The following FAM222B variants were observed in gnomAD, a reference collection of about 807,000 sequenced individuals.
FAM222B encodes family with sequence similarity 222 member B.
Under a neutral mutation model 38.0 loss-of-function variants are expected in FAM222B, and 12 were observed. That is an observed-to-expected ratio of 0.32 (90% confidence interval 0.20 to 0.51). FAM222B has a LOEUF of 0.51. Among genes scored for constraint, FAM222B ranks in the 20% least tolerant of loss-of-function variants. The pLI is 0.97. For missense variants in FAM222B, 716 were observed against 754.2 expected, an observed-to-expected ratio of 0.95 and a Z score of 0.59; for synonymous variants, 329 against 317.2, an observed-to-expected ratio of 1.04 and a Z score of -0.40.
chr17:28,801,340 C>A (rs2037214204), intron 1 of FAM222B, among the ~76,000 whole-genome samples: 1 of 150,854 alleles, frequency 6.6e-6, no homozygotes, highest in African/African-American at 2.4e-5. Flanking sequence ...GTAGTCCCAG[C>A]TACTCAGGAG....
Position 28,758,749 on chromosome 17 carries a change from C to G in FAM222B, c.1210G>C (p.Val404Leu), listed in dbSNP as rs1378980630. The G allele has an allele frequency of 1.3e-6, 2 of 1,575,972 alleles. No homozygotes were observed. The highest frequency in any genetic ancestry group is 1.7e-6 in the Non-Finnish European group (2 of 1,159,082). The change falls in exon 3 of 3, where the codon GTG (valine) becomes CTG (leucine). Residue 404 changes from valine (V) to leucine (L), a missense_variant. By Grantham distance (32) the Val-to-Leu change is conservative (BLOSUM62 1). Transcript: ENST00000581407. ...AGRELAGPGF[V>L]GKAPAYPQEL... The stretch of plus-strand genomic sequence containing the variant: ...TGCGGGTAGGCAGGGGCCTTGCCCA[C>G]AAAGCCAGGCCCTGCCAACTCGCGT...
chr17:28,854,273 C>CCTCT, intron 1 of FAM222B, among the ~76,000 whole-genome samples: 1 of 152,294 alleles, frequency 6.6e-6, no homozygotes. Context: ...TTAGAGGCTA[C>CCTCT]AAAGGATGAA....
At chr17:28,768,904 A>T (rs2035474888) in intron 1 of FAM222B, among the ~76,000 whole-genome samples, 1 of 151,670 alleles carries the variant, frequency 6.6e-6, no homozygotes, top group Admixed American at 6.6e-5. Context: ...TTACATAATA[A>T]CTTCTCCCTT....
Position 28,759,412 on chromosome 17 carries a change from C to T in FAM222B, c.547G>A (p.Ala183Thr), listed in dbSNP as rs767750259. The change falls in exon 3 of 3, where the codon GCA becomes ACA. Residue 183 changes from alanine to threonine, a missense_variant. Physicochemically the swap from Ala to Thr is moderately conservative, Grantham distance 58. Transcript: ENST00000581407. The surrounding 1 kb of genome is among the most constrained non-coding windows in gnomAD (Gnocchi z 4.8). ...TGGAGGCTCTGAGGGTGGGACAGTG[C>T]CTGGGGTGGCGGGATACCCTGAGGG... is the stretch of plus-strand genomic sequence containing the variant. ...QHPQGIPPPQ[A>T]LSHPQSLQQP... 11 of 1,592,870 alleles carry T rather than the reference C, an allele frequency of 6.9e-6. No homozygotes were observed. Among genetic ancestry groups the T allele is most frequent in the Non-Finnish European group, 8.5e-6 (10 of 1,171,380 alleles).
At chr17:28,820,636 C>CT (rs557770356) in intron 1 of FAM222B, among the ~76,000 whole-genome samples, 16,880 of 144,166 alleles carry the variant, frequency 0.12, 1,148 homozygotes, top group Non-Finnish European at 0.16. Context: ...AATGGTAAAA[C>CT]TTTTTTTTTT....
At chr17:28,822,630 A>T (rs967104666) in intron 1 of FAM222B, among the ~76,000 whole-genome samples, 1 of 142,714 alleles carries the variant, frequency 7.0e-6, no homozygotes, top group Non-Finnish European at 1.5e-5. Flanking sequence ...CCACCACAAA[A>T]AATAATAATA....
At chr17:28,835,107 G>A (rs1158499431) in intron 1 of FAM222B, among the ~76,000 whole-genome samples, 1 of 151,316 alleles carries the variant, frequency 6.6e-6, no homozygotes, top group Non-Finnish European at 1.5e-5. Flanking sequence ...GTGCAGTGGC[G>A]TGATCTCAGC....
At chr17:28,781,427 T>C (rs2036164442) in intron 1 of FAM222B, among the ~76,000 whole-genome samples, 1 of 152,066 alleles carries the variant, frequency 6.6e-6, no homozygotes, top group South Asian at 2.1e-4. Context: ...CTTTGTACAC[T>C]GTTGATGAGA....
intron 1 of FAM222B, among the ~76,000 whole-genome samples, chr17:28,795,431 C>A (rs1270741110): frequency 6.6e-6 from 1 of 152,152 alleles, no homozygotes; most frequent in African/African-American, 2.4e-5. Context: ...TAAGCCACCG[C>A]ACCCAGACTT....
chr17:28,813,129 AAAAAAAAAAAAACACACACATAC>A (rs1232783966), intron 1 of FAM222B, among the ~76,000 whole-genome samples: 13 of 108,342 alleles, frequency 1.2e-4, no homozygotes, highest in South Asian at 2.9e-4. Context: ...ATCAGACACA[AAAAAAAAAAAAACACACACATAC>A]AAAAAAAAAA....
intron 1 of FAM222B, among the ~76,000 whole-genome samples, chr17:28,786,083 C>T (rs1423124773): frequency 1.3e-5 from 2 of 150,810 alleles, no homozygotes; most frequent in South Asian, 2.1e-4. Context: ...CTATCCACCT[C>T]GGCCTCCCAA....
intron 1 of FAM222B, among the ~76,000 whole-genome samples, chr17:28,806,976 T>C (rs1467458392): frequency 6.6e-6 from 1 of 152,150 alleles, no homozygotes; most frequent in Admixed American, 6.6e-5. Flanking sequence ...TTTAATTCAC[T>C]GGATAAAAAC....
Position 28,838,037 on chromosome 17 carries a change from G to A in FAM222B, c.-41+4645C>T, listed in dbSNP as rs1194371699. On this transcript the variant is annotated intron_variant, in intron 1 of 2. Transcript: ENST00000581407. ...TCCCAGCACTTTGGGAGGTAGAGGC[G>A]GGTGGAACATTTGAGGTCAGGAGTT... Among the ~76,000 whole-genome samples the A allele has an allele frequency of 5.3e-5, 8 of 151,558 alleles. No homozygotes were observed. The South Asian group carries it at 8.4e-4, about 16-fold the overall frequency.
intron 1 of FAM222B, among the ~76,000 whole-genome samples, chr17:28,773,377 T>C (rs1274071046): frequency 7.7e-6 from 1 of 129,624 alleles, no homozygotes. Context: ...AGCTACTCGA[T>C]AGGCTGAGAC....
At chr17:28,801,794 C>A (rs1305267312) in intron 1 of FAM222B, among the ~76,000 whole-genome samples, 1 of 152,082 alleles carries the variant, frequency 6.6e-6, no homozygotes, top group East Asian at 1.9e-4. Context: ...AAGTCCTATC[C>A]TTTACATAAT....
At chr17:28,852,093 C>G (rs966436350) in intron 1 of FAM222B, among the ~76,000 whole-genome samples, 3 of 151,386 alleles carry the variant, frequency 2.0e-5, no homozygotes, top group African/African-American at 7.3e-5. Context: ...CGTGGCCTGG[C>G]GCGGTGGCTC....
intron 1 of FAM222B, among the ~76,000 whole-genome samples, chr17:28,790,596 T>C (rs1306305630): frequency 6.6e-6 from 1 of 152,128 alleles, no homozygotes; most frequent in Non-Finnish European, 1.5e-5. Flanking sequence ...ATAAATGCAA[T>C]GTGTGATTCT....
chr17:28,845,383 G>C (rs1386300193), upstream of FAM222B, among the ~76,000 whole-genome samples: 1 of 150,514 alleles, frequency 6.6e-6, no homozygotes, highest in East Asian at 2.0e-4. Context: ...CCTGGGGACA[G>C]AGCGAGACTC....
At chr17:28,803,567 G>A (rs2037338146) in intron 1 of FAM222B, among the ~76,000 whole-genome samples, 1 of 152,206 alleles carries the variant, frequency 6.6e-6, no homozygotes, top group Non-Finnish European at 1.5e-5. Context: ...AAAGTGTTGG[G>A]ATTACAGGCA....
Sources: gnomAD v4.1 joint callset for allele counts (sites outside exome capture counted in the v4.1 genomes callset) on GRCh38, gnomAD v4.1.1 for gene constraint, Gnocchi (gnomAD v3.1) non-coding constraint, MANE v1.5 for transcripts, NCBI Gene and HGNC (gene_info 2026-07-23, HGNC 2026-07-21) for gene names.